Variants in GUSB observed in about 807,000 individuals in gnomAD.
The protein encoded by GUSB is beta-glucuronidase.
A neutral mutation model predicts 74.6 loss-of-function variants in GUSB; 51 were observed. The observed-to-expected ratio is 0.68, with a 90% confidence interval of 0.55 to 0.86. The LOEUF is 0.86. Among genes scored for constraint, GUSB ranks in the 40% least tolerant of loss-of-function variants. The probability of loss-of-function intolerance (pLI) is 0.00; values close to 1 mark genes in which losing one functional copy is unlikely to be tolerated. For missense variants in GUSB, 736 were observed against 853.7 expected, an observed-to-expected ratio of 0.86 and a Z score of 1.72; for synonymous variants, 360 against 348.3, an observed-to-expected ratio of 1.03 and a Z score of -0.37.
chr7:65,967,536 A>G (rs897468305), intron 10 of GUSB, among the ~76,000 whole-genome samples, 195 bp downstream of exon 10: 1 of 152,150 alleles, frequency 6.6e-6, no homozygotes, highest in African/African-American at 2.4e-5. Context: ...GCCAGTAAGG[A>G]GGCCACCTCT....
chr7:65,963,244 G>C (rs1790615776), intron 11 of GUSB, among the ~76,000 whole-genome samples: 1 of 152,124 alleles, frequency 6.6e-6, no homozygotes, highest in African/African-American at 2.4e-5. Context: ...TATCACAGGT[G>C]CCACGCAGAG....
At chr7:65,972,770 C>A (rs1212707198) in intron 8 of GUSB, among the ~76,000 whole-genome samples, 1 of 152,130 alleles carries the variant, frequency 6.6e-6, no homozygotes, top group Non-Finnish European at 1.5e-5. Context: ...CTCCTGGAAG[C>A]CTGTACTCTT....
At chr7:65,974,266 C>G (rs1299241615) in intron 8 of GUSB, 29 bp downstream of exon 8, 1 of 1,612,940 alleles carries the variant, frequency 6.2e-7, no homozygotes, top group Admixed American at 1.7e-5. Context: ...CCTTCCCACT[C>G]TAGCCGAGGG....
rs995961802 is a variant in GUSB at position 65,974,460 on chromosome 7, G to T, written c.1245-19C>A. The T allele has an allele frequency of 6.2e-7, 1 of 1,614,182 alleles. No individual in the cohort carries two copies. The highest frequency in any genetic ancestry group is 1.7e-5 in the Admixed American group (1 of 60,034). ...GAACTGCCTGCGGGCCAGGAGGGAA[G>T]GGACAGAGGGTCACGGTGACGCCCC... On this transcript the variant is annotated intron_variant, in intron 7 of 11. Transcript: ENST00000304895.
intron 4 of GUSB, among the ~76,000 whole-genome samples, chr7:65,978,180 T>C (rs917830756): frequency 6.6e-6 from 1 of 152,174 alleles, no homozygotes; most frequent in Non-Finnish European, 1.5e-5. Context: ...GACCGAGCGC[T>C]GTGGCTCATT....
At chr7:65,961,207 G>A in intron 11 of GUSB, 144 bp from the exon 12 acceptor site, 1 of 797,450 alleles carries the variant, frequency 1.3e-6, no homozygotes, top group South Asian at 1.5e-5. Context: ...GGAATGCGGT[G>A]ACACAATCAT....
chr7:65,972,060 AG>A (rs1344180820), intron 8 of GUSB, among the ~76,000 whole-genome samples: 1 of 152,206 alleles, frequency 6.6e-6, no homozygotes, highest in East Asian at 1.9e-4. Flanking sequence ...TAAATAAATA[AG>A]AAGAAATGGC....
intron 11 of GUSB, among the ~76,000 whole-genome samples, 166 bp from the exon 12 acceptor site, chr7:65,961,229 G>A (rs1030151298): frequency 2.6e-5 from 4 of 151,974 alleles, no homozygotes; most frequent in Middle Eastern, 3.4e-3. Flanking sequence ...GCTCACTGCA[G>A]CCTCAACCTC....
At chr7:65,980,185 G>GGGGGGCCCCC in intron 2 of GUSB, 39 bp downstream of exon 2, 7 of 725,272 alleles carry the variant, frequency 9.7e-6, no homozygotes, top group South Asian at 3.0e-5. Context: ...CAGCAGCCGT[G>GGGGGGCCCCC]CCCCCCCACC....
At chr7:65,981,904 G>T in intron 1 of GUSB, 70 bp downstream of exon 1, 1 of 1,346,454 alleles carries the variant, frequency 7.4e-7, no homozygotes, top group Non-Finnish European at 1.0e-6. Context: ...GAAGTCTGCG[G>T]GGGGCCCGGG....
chr7:65,974,470 G>C, intron 7 of GUSB, 29 bp from the exon 8 acceptor site: 1 of 1,614,140 alleles, frequency 6.2e-7, no homozygotes, highest in Non-Finnish European at 8.5e-7. Flanking sequence ...GGGACAGAGG[G>C]TCACGGTGAC....
chr7:65,963,697 C>T (rs1462021349), intron 11 of GUSB, among the ~76,000 whole-genome samples: 2 of 152,178 alleles, frequency 1.3e-5, no homozygotes, highest in East Asian at 1.9e-4. Flanking sequence ...AGGCACACAC[C>T]ACCACGCCTA....
At chr7:65,975,992 G>A in intron 5 of GUSB, 23 bp downstream of exon 5, 1 of 1,607,426 alleles carries the variant, frequency 6.2e-7, no homozygotes. Flanking sequence ...ACCTCCCTTA[G>A]GCATGTCCCA....
At chr7:65,981,894 G>A (rs1473155417) in intron 1 of GUSB, 80 bp downstream of exon 1, 4 of 1,261,790 alleles carry the variant, frequency 3.2e-6, no homozygotes, top group East Asian at 2.7e-5. Flanking sequence ...CCCAGGGGAA[G>A]AAGTCTGCGG....
intron 1 of GUSB, 100 bp downstream of exon 1, chr7:65,981,874 C>A: frequency 9.2e-7 from 1 of 1,087,958 alleles, no homozygotes; most frequent in Non-Finnish European, 1.3e-6. Flanking sequence ...CGGGCCCCAG[C>A]TCGGAGACGC....
chr7:65,977,025 C>T (rs888551036), intron 4 of GUSB, among the ~76,000 whole-genome samples: 1 of 152,006 alleles, frequency 6.6e-6, no homozygotes, highest in African/African-American at 2.4e-5. Context: ...CGGCCCAGAA[C>T]GTGCTTACAG....
Position 65,979,386 on chromosome 7 carries a change from C to T in GUSB, c.724+13G>A, listed in dbSNP as rs751438873. On this transcript the variant is annotated intron_variant, in intron 4 of 11. Transcript: ENST00000304895. ...CTGGGCCCCGCTGAGAGGATCCTACCAGAAGCCCTCACCACTGTCTTGCTC... is the reference window on the plus strand; with the variant it reads ...CTGGGCCCCGCTGAGAGGATCCTACTAGAAGCCCTCACCACTGTCTTGCTC... 1 of 1,612,566 alleles carries T rather than the reference C, an allele frequency of 6.2e-7. No individual in the cohort carries two copies. The highest frequency in any genetic ancestry group is 1.1e-5 in the South Asian group (1 of 91,026).
intron 1 of GUSB, among the ~76,000 whole-genome samples, chr7:65,981,222 G>GT (rs1236191510): frequency 8.4e-6 from 1 of 119,652 alleles, no homozygotes; most frequent in Non-Finnish European, 1.6e-5. Flanking sequence ...TTTTTTTTAA[G>GT]TTTTTTTGCC....
At position 65,974,616 on chromosome 7, in the gene GUSB, T is replaced by G. The variant is rs1321472414; in HGVS notation, c.1154A>C (p.His385Pro). The change falls in exon 7 of 12, where the codon CAC becomes CCC. Residue 385 changes from histidine (H) to proline (P), a missense_variant. By Grantham distance (77) the His-to-Pro change is moderately conservative. Transcript: ENST00000304895. ...WLGANAFRTS[H>P]YPYAEEVMQM... ...CATCACTTCCTCTGCATAGGGGTAG[T>G]GGCTGGTACGGAAAGCGTTGGCACC... The G allele has an allele frequency of 1.9e-6, 3 of 1,614,106 alleles. No individual in the cohort carries two copies.
Sources: gnomAD v4.1 joint callset for allele counts (sites outside exome capture counted in the v4.1 genomes callset) on GRCh38, gnomAD v4.1.1 for gene constraint, MANE v1.5 for transcripts, NCBI Gene and HGNC (gene_info 2026-07-23, HGNC 2026-07-21) for gene names.